The following ASB3 variants were observed in gnomAD, a reference collection of about 807,000 sequenced individuals.
The protein encoded by ASB3 is ankyrin repeat and SOCS box containing 3, also known as ankyrin repeat and SOCS box protein 3.
A neutral mutation model predicts 54.5 loss-of-function variants in ASB3; 41 were observed. That is an observed-to-expected ratio of 0.75 (90% confidence interval 0.59 to 0.98). ASB3 has a LOEUF of 0.98. ASB3 is among the 50% of genes least tolerant of loss of function. ASB3 has a pLI of 0.00. For missense variants in ASB3, 733 were observed against 620.0 expected (o/e 1.18, Z -1.94); for synonymous variants, 266 against 221.2 (o/e 1.20, Z -1.80).
intron 5 of ASB3, among the ~76,000 whole-genome samples, chr2:53,727,565 G>A (rs1671072837): frequency 6.6e-6 from 1 of 152,170 alleles, no homozygotes; most frequent in South Asian, 2.1e-4. Flanking sequence ...GAGGTCAGGA[G>A]TTTAAGGTTA....
At chr2:53,772,039 A>G in intron 1 of ASB3, 1 of 724,252 alleles carries the variant, frequency 1.4e-6, no homozygotes, top group Non-Finnish European at 2.3e-6. Flanking sequence ...AGACAATTTG[A>G]ACTACCCTAA....
intron 8 of ASB3, among the ~76,000 whole-genome samples, chr2:53,695,425 A>G (rs1669131463): frequency 6.6e-6 from 1 of 152,122 alleles, no homozygotes; most frequent in Non-Finnish European, 1.5e-5. Flanking sequence ...ATATTCAAAG[A>G]CAAACAATTT....
intron 7 of ASB3, among the ~76,000 whole-genome samples, chr2:53,712,368 C>T (rs532615435): frequency 6.6e-6 from 1 of 152,226 alleles, no homozygotes; most frequent in South Asian, 2.1e-4. Flanking sequence ...TTAACAGGAT[C>T]TATTTAGTGC....
chr2:53,741,118 T>A (rs1187924910), intron 3 of ASB3, among the ~76,000 whole-genome samples: 2 of 152,196 alleles, frequency 1.3e-5, no homozygotes, highest in African/African-American at 4.8e-5. Context: ...GGGAGTTCCC[T>A]ATCAAAGAAA....
intron 5 of ASB3, among the ~76,000 whole-genome samples, chr2:53,720,078 T>C (rs2103862195): frequency 6.6e-6 from 1 of 151,744 alleles, no homozygotes; most frequent in East Asian, 1.9e-4. Flanking sequence ...AAGTCATCCC[T>C]CTGCTCACTG....
intron 7 of ASB3, among the ~76,000 whole-genome samples, chr2:53,702,125 C>A (rs1214669514): frequency 3.3e-5 from 5 of 152,168 alleles, no homozygotes; most frequent in African/African-American, 4.8e-5. Flanking sequence ...CAGCTCTAAA[C>A]CTCTTCCAAT....
At chr2:53,767,850 G>A in intron 1 of ASB3, 1 of 1,579,482 alleles carries the variant, frequency 6.3e-7, no homozygotes, top group Non-Finnish European at 8.6e-7. Context: ...GCGACAGCTA[G>A]GGTTCACGGC....
chr2:53,781,758 G>T (rs1203173000), intron 1 of ASB3, among the ~76,000 whole-genome samples: 1 of 152,064 alleles, frequency 6.6e-6, no homozygotes, highest in Non-Finnish European at 1.5e-5. Context: ...GCCTCCCAAA[G>T]TGCTGGGATT....
chr2:53,735,699 A>C (rs2357693), intron 3 of ASB3, among the ~76,000 whole-genome samples: 82,110 of 151,534 alleles, frequency 0.54, 22,600 homozygotes, highest in African/African-American at 0.63. Flanking sequence ...AAAGCCAAAA[A>C]AATCATGTAG....
chr2:53,741,245 T>C (rs1409967749), intron 3 of ASB3, among the ~76,000 whole-genome samples: 1 of 152,202 alleles, frequency 6.6e-6, no homozygotes, highest in East Asian at 1.9e-4. Flanking sequence ...CCAATGGCAT[T>C]AGTAATCATG....
Position 53,670,661 on chromosome 2 carries a change from G to A in ASB3, c.1399C>T (p.Arg467Cys), listed in dbSNP as rs753750238. Residue 467 changes from arginine to cysteine, a missense_variant, in exon 10 of 10, where the codon CGT becomes TGT. Coordinates refer to ENST00000263634, the MANE Select transcript of ASB3 (RefSeq NM_016115.5). ...ATVPSLTHLC[R>C]LEIRSSLKSE... ...TTTAGACTGGACCGAATTTCCAAAC[G>A]ACAAAGATGGGTCAGGGATGGAACA... is the stretch of plus-strand genomic sequence containing the variant. The A allele has an allele frequency of 1.2e-6, 2 of 1,613,676 alleles. No individual in the cohort carries two copies. The highest frequency in any genetic ancestry group is 8.5e-7 in the Non-Finnish European group (1 of 1,179,872).
At chr2:53,721,048 G>C (rs974605829) in intron 5 of ASB3, among the ~76,000 whole-genome samples, 12 of 151,500 alleles carry the variant, frequency 7.9e-5, no homozygotes, top group African/African-American at 1.5e-4. Flanking sequence ...GAACCAGGAG[G>C]GGGAGGTTGC....
Position 53,693,953 on chromosome 2 carries a change from G to C in ASB3, c.1300C>G (p.Leu434Val), listed in dbSNP as rs767787830. Residue 434 changes from leucine to valine, a missense_variant, in exon 9 of 10, where the codon CTT becomes GTT. By Grantham distance (32) the Leu-to-Val change is conservative. Coordinates refer to ENST00000263634, the MANE Select transcript of ASB3 (RefSeq NM_016115.5). ...FTLEFTNWKT[L>V]APAVERMLSA... ...AGCATCCTTTCAACAGCTGGTGCAA[G>C]TGTCTTCCAATTAGTAAACTCCAAA... 6.2e-7 allele frequency: 1 copy of C among 1,613,656 alleles called. No homozygotes were observed. Among genetic ancestry groups the C allele is most frequent in the South Asian group, 1.1e-5 (1 of 91,058 alleles).
At chr2:53,733,882 T>G (rs908899295) in intron 3 of ASB3, among the ~76,000 whole-genome samples, 1 of 152,158 alleles carries the variant, frequency 6.6e-6, no homozygotes, top group African/African-American at 2.4e-5. Context: ...ATCAAGCCAG[T>G]GATAAGCATT....
intron 7 of ASB3, among the ~76,000 whole-genome samples, chr2:53,701,163 C>T (rs1218697297): frequency 6.6e-6 from 1 of 152,050 alleles, no homozygotes; most frequent in African/African-American, 2.4e-5. Flanking sequence ...TTTGTAGAGA[C>T]AGAGTCTCAC....
chr2:53,725,256 T>C (rs114248138), intron 5 of ASB3, among the ~76,000 whole-genome samples: 1 of 152,162 alleles, frequency 6.6e-6, no homozygotes, highest in African/African-American at 2.4e-5. Flanking sequence ...GACATAAAGA[T>C]AGCAACAACA....
chr2:53,753,731 G>A (rs1672660742), intron 2 of ASB3, among the ~76,000 whole-genome samples: 1 of 151,590 alleles, frequency 6.6e-6, no homozygotes, highest in Non-Finnish European at 1.5e-5. Flanking sequence ...CCACCTCCCA[G>A]GTTCAAGCGA....
chr2:53,718,497 T>C (rs1054349738), intron 5 of ASB3, among the ~76,000 whole-genome samples: 5 of 152,170 alleles, frequency 3.3e-5, no homozygotes, highest in African/African-American at 1.2e-4. Flanking sequence ...AGACCAGTCT[T>C]AGCAGAGATC....
At chr2:53,727,860 G>C (rs1312887555) in intron 5 of ASB3, among the ~76,000 whole-genome samples, 1 of 151,976 alleles carries the variant, frequency 6.6e-6, no homozygotes, top group Non-Finnish European at 1.5e-5. Context: ...CTAGTAGTTG[G>C]GATTACAGGC....
Sources: allele counts gnomAD v4.1 joint callset (sites outside exome capture counted in the v4.1 genomes callset), GRCh38; gene constraint gnomAD v4.1.1; transcripts MANE v1.5; gene names NCBI Gene and HGNC (gene_info 2026-07-23, HGNC 2026-07-21).